Variants in NIPAL2 observed in about 807,000 individuals in gnomAD.
NIPAL2 encodes NIPA like domain containing 2.
NIPAL2 carries 43 observed loss-of-function variants against 48.9 expected under a neutral mutation model. That is an observed-to-expected ratio of 0.88 (90% CI 0.69 to 1.13). NIPAL2 has a LOEUF of 1.13. Ranked by LOEUF, NIPAL2 falls within the 50% of genes most tolerant of loss-of-function variation. The pLI, the probability that NIPAL2 is intolerant of heterozygous loss-of-function variation, is 0.00. For missense variants in NIPAL2, 446 were observed against 461.4 expected (o/e 0.97, Z 0.31); for synonymous variants, 167 against 174.6 (o/e 0.96, Z 0.34).
intron 5 of NIPAL2, among the ~76,000 whole-genome samples, chr8:98,215,465 C>T (rs902295124): frequency 1.6e-4 from 24 of 152,136 alleles, no homozygotes; most frequent in Non-Finnish European, 3.2e-4. Flanking sequence ...ATTGCAATCT[C>T]ACAGGTTAGA....
intron 1 of NIPAL2, among the ~76,000 whole-genome samples, chr8:98,260,819 G>C (rs1476687002): frequency 1.3e-5 from 2 of 152,168 alleles, no homozygotes; most frequent in Non-Finnish European, 2.9e-5. Context: ...CTCCACCTCT[G>C]GGGGCAGGGC....
intron 1 of NIPAL2, among the ~76,000 whole-genome samples, chr8:98,265,431 A>G (rs1180919554): frequency 2.3e-3 from 298 of 127,458 alleles, no homozygotes; most frequent in African/African-American, 8.4e-3. Flanking sequence ...AAACAAATTT[A>G]CAAGAAAAAA....
intron 4 of NIPAL2, among the ~76,000 whole-genome samples, chr8:98,226,573 CCAAA>C (rs887070253): frequency 6.7e-4 from 102 of 152,086 alleles, no homozygotes; most frequent in African/African-American, 2.0e-3. Context: ...TTACTTTCTC[CCAAA>C]CAAACAGTCT....
intron 3 of NIPAL2, among the ~76,000 whole-genome samples, chr8:98,242,241 G>A (rs1240770654): frequency 1.3e-5 from 2 of 151,712 alleles, no homozygotes; most frequent in African/African-American, 2.4e-5. Flanking sequence ...GTGCAGTGGC[G>A]CAACCATGGC....
At chr8:98,225,778 T>A (rs1247340427) in intron 4 of NIPAL2, among the ~76,000 whole-genome samples, 2 of 152,178 alleles carry the variant, frequency 1.3e-5, no homozygotes, top group Non-Finnish European at 2.9e-5. Flanking sequence ...AGTTCTCTGT[T>A]ATTATCTCTT....
chr8:98,240,144 T>C (rs554621548), intron 3 of NIPAL2, among the ~76,000 whole-genome samples: 1 of 152,376 alleles, frequency 6.6e-6, no homozygotes, highest in East Asian at 1.9e-4. Flanking sequence ...GTACTAGTTA[T>C]GGTTAAACCA....
chr8:98,208,433 T>C (rs1285204662), intron 6 of NIPAL2, among the ~76,000 whole-genome samples: 1 of 152,140 alleles, frequency 6.6e-6, no homozygotes, highest in African/African-American at 2.4e-5. Flanking sequence ...GGTTTCCTGA[T>C]CAACCCAGAG....
At chr8:98,275,165 C>A (rs888858204) in intron 1 of NIPAL2, among the ~76,000 whole-genome samples, 1 of 151,942 alleles carries the variant, frequency 6.6e-6, no homozygotes, top group African/African-American at 2.4e-5. Context: ...TATATATGAA[C>A]CCATTTGTGT....
At chr8:98,230,950 G>A (rs6468624) in intron 4 of NIPAL2, among the ~76,000 whole-genome samples, 99,246 of 152,068 alleles carry the variant, frequency 0.65, 33,597 homozygotes, top group South Asian at 0.77. Context: ...TCTGGAATCT[G>A]GTCTGACCTG....
At chr8:98,222,042 C>A (rs1218612599) in intron 5 of NIPAL2, among the ~76,000 whole-genome samples, 15 of 152,110 alleles carry the variant, frequency 9.9e-5, no homozygotes, top group Non-Finnish European at 2.1e-4. Context: ...CCCAAATGTC[C>A]ATCAATGATA....
intron 4 of NIPAL2, among the ~76,000 whole-genome samples, chr8:98,228,165 C>T (rs1476982718): frequency 1.3e-5 from 2 of 152,228 alleles, no homozygotes; most frequent in African/African-American, 2.4e-5. Flanking sequence ...GTGCCTCTTT[C>T]AGCAATATGA....
chr8:98,280,929 C>T (rs918739155), intron 1 of NIPAL2, among the ~76,000 whole-genome samples: 1 of 151,450 alleles, frequency 6.6e-6, no homozygotes, highest in South Asian at 2.1e-4. Context: ...TTTAAATACA[C>T]CCTCCTTTGC....
At chr8:98,278,767 G>A (rs564040754) in intron 1 of NIPAL2, among the ~76,000 whole-genome samples, 2 of 152,176 alleles carry the variant, frequency 1.3e-5, no homozygotes, top group East Asian at 1.9e-4. Flanking sequence ...CTAAACTATC[G>A]GATCAAATAT....
rs889448683 is a variant in NIPAL2, at chr8:98,293,989, G to A, written c.135+14C>T. 16 of 1,450,308 alleles carry A rather than the reference G, an allele frequency of 1.1e-5. No individual in the cohort carries two copies. Among genetic ancestry groups the A allele is most frequent in the Non-Finnish European group, 1.5e-5 (16 of 1,098,958 alleles). 89.8% of individuals were successfully genotyped at this position (1,450,308 alleles called of 1,614,324 possible). A position where few individuals can be genotyped will look rare whatever the true frequency, so the allele number is the denominator to read the frequency against. On this transcript the variant is annotated intron_variant, in intron 1 of 10. Coordinates refer to ENST00000430223, the MANE Select transcript of NIPAL2 (RefSeq NM_001321635.2). ...GTCCCCACCGGGCTGCGGTGGCTGC[G>A]GGGCGGCCCTTACCTGGTTCCTGCG...
chr8:98,210,957 T>G (rs973711111), intron 6 of NIPAL2, among the ~76,000 whole-genome samples: 2 of 152,276 alleles, frequency 1.3e-5, no homozygotes. Flanking sequence ...TCAGAAAGGG[T>G]GCTGGCTGTG....
At chr8:98,248,409 A>G (rs747867053) in intron 3 of NIPAL2, among the ~76,000 whole-genome samples, 1 of 152,246 alleles carries the variant, frequency 6.6e-6, no homozygotes, top group African/African-American at 2.4e-5. Context: ...CAGTGTTGTC[A>G]TTATGTCAAA....
intron 1 of NIPAL2, among the ~76,000 whole-genome samples, chr8:98,260,302 C>A (rs1471824288): frequency 2.0e-5 from 3 of 152,172 alleles, no homozygotes; most frequent in Non-Finnish European, 2.9e-5. Context: ...GGAACAGCTC[C>A]GGTCTACAGC....
chr8:98,213,757 C>T (rs73283723), intron 5 of NIPAL2, among the ~76,000 whole-genome samples: 4,100 of 152,272 alleles, frequency 0.027, 190 homozygotes, highest in African/African-American at 0.093. Flanking sequence ...AATGCCACCT[C>T]TCTGAGAGTT....
intron 10 of NIPAL2, 31 bp downstream of exon 10, chr8:98,194,697 A>G (rs1265413289): frequency 7.8e-7 from 1 of 1,283,228 alleles, no homozygotes; most frequent in Non-Finnish European, 1.1e-6. Context: ...TAAGGATCAA[A>G]TTTTCCACTA....
Sources: allele counts gnomAD v4.1 joint callset (sites outside exome capture counted in the v4.1 genomes callset), GRCh38; gene constraint gnomAD v4.1.1; transcripts MANE v1.5; gene names NCBI Gene and HGNC (gene_info 2026-07-23, HGNC 2026-07-21).